The following AHCYL2 variants were observed in gnomAD, a reference collection of about 807,000 sequenced individuals.
AHCYL2 encodes the protein adenosylhomocysteinase like 2.
AHCYL2 carries 28 observed loss-of-function variants against 81.4 expected under a neutral mutation model. The ratio of observed to expected loss-of-function variants is 0.34; its 90% CI spans 0.25 to 0.47. The LOEUF (loss-of-function observed/expected upper bound fraction) is 0.47. Ranked by LOEUF, AHCYL2 falls within the 20% of genes least tolerant of loss-of-function variation. The probability of loss-of-function intolerance (pLI) is 1.00; values close to 1 mark genes in which losing one functional copy is unlikely to be tolerated. For synonymous variants in AHCYL2, 272 were observed against 290.2 expected (o/e 0.94, Z 0.64); for missense variants, 551 against 785.1 (o/e 0.70, Z 3.56).
rs1487604059 is a variant in AHCYL2, at chr7:129,427,323, T to TC, written c.*282dup. On this transcript the variant is annotated 3_prime_UTR_variant, in exon 17 of 17. Transcript: ENST00000325006. The surrounding 1 kb of genome is among the most constrained non-coding windows in gnomAD (Gnocchi z 5.5). ...GCTCCCAGTGCATCATTTGCATCAT[T>TC]CCCCATTGACTGAATCCTCAGCAGT... The TC allele has an allele frequency of 5.5e-6, 2 of 364,560 alleles. No homozygotes were observed. The highest frequency in any genetic ancestry group is 9.9e-6 in the Non-Finnish European group (2 of 201,996). 22.6% of individuals were successfully genotyped at this position (364,560 alleles called of 1,614,324 possible).
chr7:129,397,892 A>G (rs570018805), intron 5 of AHCYL2, among the ~76,000 whole-genome samples: 76 of 152,324 alleles, frequency 5.0e-4, no homozygotes, highest in African/African-American at 1.7e-3. Flanking sequence ...CTTTCATTTT[A>G]ATTTACTTAT....
chr7:129,348,455 A>C (rs902644490), intron 1 of AHCYL2, among the ~76,000 whole-genome samples: 1 of 151,740 alleles, frequency 6.6e-6, no homozygotes, highest in East Asian at 2.0e-4. Context: ...AAGAATGCAC[A>C]AGTAAGATTT....
At chr7:129,380,382 A>T (rs985165235) in intron 2 of AHCYL2, among the ~76,000 whole-genome samples, 1 of 152,164 alleles carries the variant, frequency 6.6e-6, no homozygotes, top group Non-Finnish European at 1.5e-5. Flanking sequence ...GCCTAGTATG[A>T]GTCGGATTTA....
intron 1 of AHCYL2, among the ~76,000 whole-genome samples, chr7:129,360,049 G>A (rs1300054703): frequency 1.3e-5 from 2 of 151,108 alleles, no homozygotes; most frequent in African/African-American, 2.4e-5. Context: ...TTACTCTTCA[G>A]CTACCTGTTC....
At chr7:129,259,011 A>G (rs927817651) in intron 1 of AHCYL2, among the ~76,000 whole-genome samples, 12 of 152,148 alleles carry the variant, frequency 7.9e-5, no homozygotes, top group Non-Finnish European at 1.0e-4. Context: ...TGTTATTCCA[A>G]CCTTCTTTTA....
intron 1 of AHCYL2, among the ~76,000 whole-genome samples, chr7:129,329,896 A>C (rs1407649517): frequency 6.6e-6 from 1 of 152,266 alleles, no homozygotes; most frequent in African/African-American, 2.4e-5. Context: ...TTTAGTGAGA[A>C]TAGTTCTGAA....
At chr7:129,268,438 C>T (rs1795892611) in intron 1 of AHCYL2, among the ~76,000 whole-genome samples, 1 of 152,164 alleles carries the variant, frequency 6.6e-6, no homozygotes, top group Admixed American at 6.5e-5. Context: ...ACCTCCATCT[C>T]CCGGATTCAA....
chr7:129,416,787 C>T lies in AHCYL2; in HGVS notation c.1461+3099C>T, dbSNP rs138975194. ...TGCACTCCAGCCTGGGTGACAAGAG[C>T]GAAATTCCATCTCAAAAATAAAAAA... On this transcript the variant is annotated intron_variant, in intron 12 of 16. Transcript: ENST00000325006. Among the ~76,000 whole-genome samples, 1,226 of 150,042 alleles carry T rather than the reference C, an allele frequency of 8.2e-3. 15 individuals carry two copies. The highest frequency in any genetic ancestry group is 0.028 in the African/African-American group (1,142 of 40,664).
intron 1 of AHCYL2, among the ~76,000 whole-genome samples, chr7:129,353,136 T>TG (rs1793626041): frequency 6.6e-6 from 1 of 151,992 alleles, no homozygotes; most frequent in Admixed American, 6.6e-5. Context: ...TTAGTAGAGA[T>TG]GGGGTTTCAC....
intron 1 of AHCYL2, among the ~76,000 whole-genome samples, chr7:129,273,111 A>G (rs1385494284): frequency 6.6e-6 from 1 of 152,016 alleles, no homozygotes; most frequent in Admixed American, 6.6e-5. Context: ...CATATCAGCC[A>G]GGCTGGTCTC....
chr7:129,298,683 A>C (rs903891778), intron 1 of AHCYL2, among the ~76,000 whole-genome samples: 1 of 152,246 alleles, frequency 6.6e-6, no homozygotes, highest in African/African-American at 2.4e-5. Flanking sequence ...AAACCAAAGC[A>C]GCACATTTGC....
chr7:129,427,107 A>C lies in AHCYL2; in HGVS notation c.*62A>C, dbSNP rs572025369. On this transcript the variant is annotated 3_prime_UTR_variant, in exon 17 of 17. Transcript: ENST00000325006. This position sits in a 1 kb window ranked among gnomAD's most constrained non-coding sequence, Gnocchi z 5.5. ...AACTCCAAGCCTTTTCTCCACTACT[A>C]TACAAGAAAGAATTCAGCAAGCTGC... 4 of 1,521,194 alleles carry C rather than the reference A, an allele frequency of 2.6e-6. No homozygotes were observed. The East Asian group carries it at 9.0e-5, about 34-fold the overall frequency. 94.2% of individuals were successfully genotyped at this position (1,521,194 alleles called of 1,614,324 possible).
chr7:129,389,505 T>C, intron 3 of AHCYL2, 129 bp from the exon 4 acceptor site: 1 of 796,338 alleles, frequency 1.3e-6, no homozygotes, highest in Non-Finnish European at 1.9e-6. Flanking sequence ...AATGTCTTGA[T>C]CCCTGGAGAA....
In AHCYL2 at chr7:129,404,538, G is replaced by A. The variant is rs564977163; in HGVS notation, c.1026-559G>A. 2.4e-3 allele frequency among the ~76,000 whole-genome samples: 373 copies of A among 152,260 alleles called. 1 individual carries two copies. Among genetic ancestry groups the A allele is most frequent in the Non-Finnish European group, 3.7e-3 (255 of 68,014 alleles). ...AAAAATACAAAAATTAGCTGAGTGT[G>A]GTGGCGGGCGCCTATAATCCCAGCT... On this transcript the variant is annotated intron_variant, in intron 7 of 16. Transcript: ENST00000325006.
rs897396766 is a variant in AHCYL2 at position 129,424,936 on chromosome 7, T to C, written c.1623T>C (p.Thr541=). Residue 541 remains threonine, a synonymous_variant, in exon 14 of 17, where the codon ACT becomes ACC. Coordinates refer to ENST00000325006, the MANE Select transcript of AHCYL2 (RefSeq NM_015328.4). ...CATTTGTGCTCTCAATCACTGCTAC[T>C]ACTCAGGTAAGGCTTCCAGAGTGGG... ...VPTFVLSITA[T]TQALALIELY... is the part of the protein sequence containing the mutation. 1.2e-6 allele frequency: 2 copies of C among 1,613,980 alleles called. No individual in the cohort carries two copies. The highest frequency in any genetic ancestry group is 1.7e-6 in the Non-Finnish European group (2 of 1,180,002).
intron 1 of AHCYL2, among the ~76,000 whole-genome samples, chr7:129,345,295 C>T (rs1793323535): frequency 6.6e-6 from 1 of 152,098 alleles, no homozygotes; most frequent in Non-Finnish European, 1.5e-5. Context: ...AGTAAGTCTG[C>T]CACCTGAAGG....
chr7:129,318,202 A>G (rs1365264675), intron 1 of AHCYL2, among the ~76,000 whole-genome samples: 1 of 152,204 alleles, frequency 6.6e-6, no homozygotes, highest in Non-Finnish European at 1.5e-5. Context: ...CAGAGAAGGA[A>G]ATGGACTGAA....
intron 1 of AHCYL2, among the ~76,000 whole-genome samples, chr7:129,337,252 A>G (rs988914783): frequency 1.1e-4 from 16 of 152,152 alleles, no homozygotes; most frequent in Non-Finnish European, 2.1e-4. Context: ...ACTTACTTTT[A>G]TCGTACTGTA....
At chr7:129,289,307 G>A (rs561293477) in intron 1 of AHCYL2, among the ~76,000 whole-genome samples, 1 of 152,158 alleles carries the variant, frequency 6.6e-6, no homozygotes, top group Non-Finnish European at 1.5e-5. Flanking sequence ...GCCTAGGCTC[G>A]TCTTGAACTC....
Sources: gnomAD v4.1 joint callset for allele counts (sites outside exome capture counted in the v4.1 genomes callset) on GRCh38, gnomAD v4.1.1 for gene constraint, Gnocchi (gnomAD v3.1) non-coding constraint, MANE v1.5 for transcripts, NCBI Gene and HGNC (gene_info 2026-07-23, HGNC 2026-07-21) for gene names.